Variants in ARHGAP15 observed in about 807,000 individuals in gnomAD.
ARHGAP15 encodes rho GTPase-activating protein 15.
A neutral mutation model predicts 63.7 loss-of-function variants in ARHGAP15; 51 were observed. That is an observed-to-expected ratio of 0.80 (90% CI 0.64 to 1.01). ARHGAP15 has a LOEUF of 1.01. Ranked by LOEUF, ARHGAP15 falls within the 50% of genes least tolerant of loss-of-function variation. ARHGAP15 has a pLI of 0.00. For missense variants in ARHGAP15, 560 were observed against 564.6 expected (o/e 0.99, Z 0.08); for synonymous variants, 191 against 193.8 (o/e 0.99, Z 0.12).
chr2:143,520,042 T>A (rs1267053088), intron 10 of ARHGAP15, among the ~76,000 whole-genome samples: 5 of 152,202 alleles, frequency 3.3e-5, no homozygotes, highest in African/African-American at 1.2e-4. Flanking sequence ...TCCTGGAAGA[T>A]ACATATAGTA....
intron 8 of ARHGAP15, among the ~76,000 whole-genome samples, chr2:143,486,298 C>T (rs576587588): frequency 1.3e-5 from 2 of 151,660 alleles, no homozygotes; most frequent in East Asian, 1.9e-4. Context: ...GGGCCAGGAA[C>T]AGTGGCTCAC....
At chr2:143,196,839 A>G (rs1454604931) in intron 2 of ARHGAP15, among the ~76,000 whole-genome samples, 1 of 151,968 alleles carries the variant, frequency 6.6e-6, no homozygotes, top group East Asian at 1.9e-4. Flanking sequence ...GACATGCATA[A>G]ACATAATACA....
intron 6 of ARHGAP15, among the ~76,000 whole-genome samples, chr2:143,419,395 T>A (rs983197387): frequency 3.3e-5 from 5 of 151,986 alleles, no homozygotes; most frequent in Non-Finnish European, 7.4e-5. Context: ...TTTCTAACAA[T>A]CTCTTCTAAG....
chr2:143,134,104 AATCTATCTATCTATCTATCTATCTATCT>A (rs70982842), intron 1 of ARHGAP15, among the ~76,000 whole-genome samples: 1 of 141,242 alleles, frequency 7.1e-6, no homozygotes, highest in African/African-American at 2.5e-5. Context: ...TCTATTTGAA[AATCTATCTATCTATCTATCTATCTATCT>A]ATCTATCTAT....
intron 11 of ARHGAP15, among the ~76,000 whole-genome samples, chr2:143,583,267 T>C (rs1696982071): frequency 6.6e-6 from 1 of 152,192 alleles, no homozygotes; most frequent in South Asian, 2.1e-4. Context: ...ATCACATAAA[T>C]ATAATTGTCT....
intron 4 of ARHGAP15, among the ~76,000 whole-genome samples, chr2:143,226,202 T>C (rs1041959769): frequency 3.9e-5 from 6 of 152,168 alleles, no homozygotes; most frequent in Admixed American, 2.6e-4. Context: ...GATAATTGCG[T>C]TTCATGCAAC....
intron 10 of ARHGAP15, among the ~76,000 whole-genome samples, chr2:143,551,807 T>C (rs1037738521): frequency 2.0e-5 from 3 of 152,144 alleles, no homozygotes; most frequent in Non-Finnish European, 4.4e-5. Flanking sequence ...ACCACTGAGT[T>C]GGAAGAGAGA....
intron 11 of ARHGAP15, among the ~76,000 whole-genome samples, chr2:143,591,633 T>C (rs1252900555): frequency 6.5e-5 from 5 of 76,464 alleles, no homozygotes; most frequent in African/African-American, 1.9e-4. Flanking sequence ...TTTTCTTTTT[T>C]TTTTTAGAGA....
rs554696611 is a variant in ARHGAP15 at position 143,435,739 on chromosome 2, T to C, written c.573+40T>C. On this transcript the variant is annotated intron_variant, in intron 7 of 13. Coordinates refer to ENST00000295095, the MANE Select transcript of ARHGAP15 (RefSeq NM_018460.4). ...TGGCTGTTACCTTTATTAATTAAAA[T>C]GTAGTCATTTAAATCTTATTGCTCA... 1.4e-4 allele frequency: 214 copies of C among 1,579,868 alleles called. 1 individual carries two copies. Among genetic ancestry groups the C allele is most frequent in the Middle Eastern group, 6.7e-4 (4 of 5,980 alleles).
At chr2:143,685,360 G>C (rs1254177299) in intron 12 of ARHGAP15, among the ~76,000 whole-genome samples, 2 of 152,162 alleles carry the variant, frequency 1.3e-5, no homozygotes, top group East Asian at 3.9e-4. Context: ...TAAGAATTTG[G>C]TAGGGCTCTC....
At position 143,580,406 on chromosome 2, in the gene ARHGAP15, C is replaced by G. The variant is rs762687668; in HGVS notation, c.1003+23921C>G. Among the ~76,000 whole-genome samples the G allele has an allele frequency of 2.8e-4, 43 of 152,260 alleles. 1 individual carries two copies. The highest frequency in any genetic ancestry group is 4.6e-4 in the Admixed American group (7 of 15,286). On this transcript the variant is annotated intron_variant, in intron 11 of 13. Coordinates refer to ENST00000295095, the MANE Select transcript of ARHGAP15 (RefSeq NM_018460.4). The stretch of plus-strand genomic sequence containing the variant: ...TTTCCAGCCCACGCCCAACACGAAT[C>G]TTATGCTCCTGCAGACAAATATAAT...
intron 11 of ARHGAP15, among the ~76,000 whole-genome samples, chr2:143,597,260 A>T (rs1332240050): frequency 6.6e-6 from 1 of 152,108 alleles, no homozygotes; most frequent in Non-Finnish European, 1.5e-5. Context: ...GCAAAATATT[A>T]TAATAAAGAA....
chr2:143,416,154 T>C (rs999558044), intron 6 of ARHGAP15, among the ~76,000 whole-genome samples: 16 of 147,548 alleles, frequency 1.1e-4, no homozygotes, highest in South Asian at 4.3e-4. Context: ...AAAACCTAGA[T>C]GATGGATTGT....
intron 10 of ARHGAP15, among the ~76,000 whole-genome samples, chr2:143,538,055 T>G (rs1235658844): frequency 3.3e-5 from 5 of 152,320 alleles, no homozygotes; most frequent in Non-Finnish European, 7.3e-5. Context: ...TTTATTTCCT[T>G]GAGCAGTAGT....
intron 8 of ARHGAP15, among the ~76,000 whole-genome samples, chr2:143,467,795 A>T (rs1387799879): frequency 6.6e-6 from 1 of 152,128 alleles, no homozygotes; most frequent in African/African-American, 2.4e-5. Flanking sequence ...GCTAATGCAC[A>T]TGGAGTTCAG....
At chr2:143,544,920 TTG>T (rs528636447) in intron 10 of ARHGAP15, among the ~76,000 whole-genome samples, 95 of 152,304 alleles carry the variant, frequency 6.2e-4, no homozygotes, top group Non-Finnish European at 1.0e-3. Context: ...GTCATCCTAT[TTG>T]TGTTTCCTGA....
chr2:143,681,812 T>C (rs560086827), intron 12 of ARHGAP15, among the ~76,000 whole-genome samples: 6 of 152,204 alleles, frequency 3.9e-5, no homozygotes, highest in Non-Finnish European at 5.9e-5. Context: ...AGCAAGCAAT[T>C]TGAGATAAAG....
intron 11 of ARHGAP15, among the ~76,000 whole-genome samples, chr2:143,602,692 G>C (rs1436947538): frequency 1.3e-5 from 2 of 152,084 alleles, no homozygotes; most frequent in African/African-American, 4.8e-5. Context: ...ATTCTCCAGA[G>C]ACACACTGCA....
chr2:143,262,769 T>C (rs1680793534), intron 6 of ARHGAP15, among the ~76,000 whole-genome samples: 1 of 152,124 alleles, frequency 6.6e-6, no homozygotes, highest in Non-Finnish European at 1.5e-5. Flanking sequence ...GTACACATCA[T>C]GAGTATCCAT....
Sources: gnomAD v4.1 joint callset for allele counts (sites outside exome capture counted in the v4.1 genomes callset) on GRCh38, gnomAD v4.1.1 for gene constraint, MANE v1.5 for transcripts, NCBI Gene and HGNC (gene_info 2026-07-23, HGNC 2026-07-21) for gene names.